The following CCDC148 variants were observed in gnomAD, a reference collection of about 807,000 sequenced individuals.
CCDC148 encodes the protein coiled-coil domain containing 148.
CCDC148 carries 89 observed loss-of-function variants against 85.7 expected under a neutral mutation model. The ratio of observed to expected loss-of-function variants is 1.04; its 90% CI spans 0.87 to 1.24. CCDC148 has a LOEUF of 1.24. CCDC148 is among the 50% of genes most tolerant of loss of function. CCDC148 has a pLI of 0.00. For synonymous variants in CCDC148, 230 were observed against 213.9 expected (o/e 1.08, Z -0.66); for missense variants, 692 against 671.7 (o/e 1.03, Z -0.33).
chr2:158,351,284 C>A (rs918950138), intron 2 of CCDC148, among the ~76,000 whole-genome samples: 1 of 152,196 alleles, frequency 6.6e-6, no homozygotes, highest in African/African-American at 2.4e-5. Flanking sequence ...GCGTGAGTGA[C>A]GCAGAAGACG....
intron 1 of CCDC148, among the ~76,000 whole-genome samples, chr2:158,406,613 CTTTTTTTT>C (rs61612452): frequency 5.1e-4 from 16 of 31,460 alleles, no homozygotes; most frequent in African/African-American, 1.5e-3. Context: ...GATTAAATTT[CTTTTTTTT>C]TTTTTTTTTT....
At chr2:158,192,028 A>T (rs1352865867) in intron 11 of CCDC148, among the ~76,000 whole-genome samples, 4 of 152,092 alleles carry the variant, frequency 2.6e-5, no homozygotes. Context: ...AAAGTCAAAG[A>T]TAGTAAAATT....
At chr2:158,422,176 C>T (rs990620872) in intron 1 of CCDC148, among the ~76,000 whole-genome samples, 1 of 152,130 alleles carries the variant, frequency 6.6e-6, no homozygotes, top group African/African-American at 2.4e-5. Flanking sequence ...GGAGCTGGTA[C>T]CATTCCTTCT....
intron 11 of CCDC148, among the ~76,000 whole-genome samples, chr2:158,194,105 C>T (rs1685551880): frequency 6.6e-6 from 1 of 151,950 alleles, no homozygotes. Flanking sequence ...AGTTATTACT[C>T]AACTAACATT....
Position 158,369,379 on chromosome 2 carries a change from G to A in CCDC148, c.26-10809C>T, listed in dbSNP as rs546891516. ...AGTGGTTTGTAGTTCTCCTTGAAGAGGTCCTTCACTTCCATGGTTAGCTGT... is the reference window on the plus strand; with the variant it reads ...AGTGGTTTGTAGTTCTCCTTGAAGAAGTCCTTCACTTCCATGGTTAGCTGT... On this transcript the variant is annotated intron_variant, in intron 1 of 13. Transcript: ENST00000283233. 2.6e-5 allele frequency among the ~76,000 whole-genome samples: 4 copies of A among 152,158 alleles called. No homozygotes were observed. In the South Asian group the frequency reaches 6.2e-4, roughly 24 times the overall value.
At position 158,220,608 on chromosome 2, in the gene CCDC148, T is replaced by C; in HGVS notation, c.1357A>G (p.Lys453Glu). 1 of 1,604,954 alleles carries C rather than the reference T, an allele frequency of 6.2e-7. No individual in the cohort carries two copies. The highest frequency in any genetic ancestry group is 1.1e-5 in the South Asian group (1 of 88,994). ...LKKLIAEQSL[K>E]DRERVKYRQE... The stretch of plus-strand genomic sequence containing the variant: ...ATTTTCTTTTACCTTTCTCTGTCTT[T>C]TAGTGACTGTTCAGCGATTAATTTC... The change falls in exon 11 of 14, where the codon AAA becomes GAA. Residue 453 changes from lysine (K) to glutamate (E), a missense_variant. Lys to Glu is a moderately conservative substitution (Grantham distance 56). Coordinates refer to ENST00000283233, the MANE Select transcript of CCDC148 (RefSeq NM_138803.4).
chr2:158,379,904 T>G (rs1310147988), intron 1 of CCDC148, among the ~76,000 whole-genome samples: 1 of 152,148 alleles, frequency 6.6e-6, no homozygotes, highest in Non-Finnish European at 1.5e-5. Context: ...TTAGCTTTAC[T>G]GTAGTGGTCT....
chr2:158,432,180 A>C (rs116189655), intron 1 of CCDC148, among the ~76,000 whole-genome samples: 1 of 152,066 alleles, frequency 6.6e-6, no homozygotes, highest in Non-Finnish European at 1.5e-5. Flanking sequence ...AGAATAAAAC[A>C]TAATCAAAAG....
At chr2:158,304,931 T>C (rs2105203487) in intron 9 of CCDC148, among the ~76,000 whole-genome samples, 1 of 152,264 alleles carries the variant, frequency 6.6e-6, no homozygotes, top group East Asian at 1.9e-4. Context: ...GATTTACAAG[T>C]TTTAATGACT....
At chr2:158,175,724 C>T (rs894376789) in intron 13 of CCDC148, among the ~76,000 whole-genome samples, 6 of 152,086 alleles carry the variant, frequency 3.9e-5, no homozygotes, top group South Asian at 2.1e-4. Context: ...CAAAGTATGC[C>T]GCACAAAGTA....
chr2:158,355,759 C>A (rs1484850277), intron 2 of CCDC148, among the ~76,000 whole-genome samples: 2 of 128,972 alleles, frequency 1.6e-5, no homozygotes, highest in Non-Finnish European at 3.1e-5. Context: ...CAAAAAAGAG[C>A]CCGCATCGCC....
intron 7 of CCDC148, among the ~76,000 whole-genome samples, chr2:158,319,377 A>G (rs1029646296): frequency 6.6e-6 from 1 of 152,220 alleles, no homozygotes; most frequent in Non-Finnish European, 1.5e-5. Flanking sequence ...AGGAACAGGG[A>G]CAAAAGATCG....
At chr2:158,180,024 T>C (rs1684814839) in intron 11 of CCDC148, among the ~76,000 whole-genome samples, 1 of 152,176 alleles carries the variant, frequency 6.6e-6, no homozygotes, top group Non-Finnish European at 1.5e-5. Flanking sequence ...GCTATACTTC[T>C]ACTGAATTAT....
chr2:158,183,432 A>G (rs975312685), intron 11 of CCDC148, among the ~76,000 whole-genome samples: 22 of 152,258 alleles, frequency 1.4e-4, no homozygotes, highest in African/African-American at 3.8e-4. Context: ...GGGCAAAATG[A>G]TAAGTACCAA....
intron 1 of CCDC148, among the ~76,000 whole-genome samples, chr2:158,361,370 T>C (rs1385407471): frequency 1.3e-5 from 2 of 151,894 alleles, no homozygotes; most frequent in East Asian, 1.9e-4. Flanking sequence ...AGACACATAA[T>C]CATGAGATTC....
intron 9 of CCDC148, among the ~76,000 whole-genome samples, chr2:158,286,207 C>T (rs911976009): frequency 6.6e-5 from 10 of 151,870 alleles, no homozygotes; most frequent in Admixed American, 2.0e-4. Flanking sequence ...AGCAAAGACA[C>T]CAAATATGTA....
intron 1 of CCDC148, among the ~76,000 whole-genome samples, chr2:158,403,705 C>T (rs889870104): frequency 2.0e-5 from 3 of 151,996 alleles, no homozygotes; most frequent in Non-Finnish European, 4.4e-5. Context: ...CACACACACA[C>T]ACAAACACAT....
At position 158,210,144 on chromosome 2, in the gene CCDC148, A is replaced by G. The variant is rs571046051; in HGVS notation, c.1370+10451T>C. 2.2e-4 allele frequency among the ~76,000 whole-genome samples: 33 copies of G among 152,308 alleles called. No homozygotes were observed. The South Asian group carries it at 6.6e-3, about 31-fold the overall frequency. On this transcript the variant is annotated intron_variant, in intron 11 of 13. Transcript: ENST00000283233. Reference sequence around the variant, plus strand: ...TTACCAAGCAAATGGAAAGCAAAAAAAGGCAGGGGTTGCGATCCTAGTCTC... The same window carrying G: ...TTACCAAGCAAATGGAAAGCAAAAAGAGGCAGGGGTTGCGATCCTAGTCTC...
rs1487251693 is a variant in CCDC148 at position 158,338,735 on chromosome 2, TCTTCC to T, written c.750_754del (p.Glu251HisfsTer9). 8.7e-6 allele frequency: 14 copies of T among 1,604,768 alleles called. No individual in the cohort carries two copies. The Admixed American group carries it at 2.4e-4, about 28-fold the overall frequency. On this transcript the variant is annotated frameshift_variant, in exon 7 of 14. Transcript: ENST00000283233. LOFTEE classifies it high-confidence loss of function. Reference sequence around the variant, plus strand: ...AGTTTTATCTTATCACCTGTATATGTCTTCCAACTGCAGATTAAAGTCTTGAAGCT... The same window carrying T: ...AGTTTTATCTTATCACCTGTATATGTAACTGCAGATTAAAGTCTTGAAGCT...
Sources: allele counts gnomAD v4.1 joint callset (sites outside exome capture counted in the v4.1 genomes callset), GRCh38; gene constraint gnomAD v4.1.1; transcripts MANE v1.5; gene names NCBI Gene and HGNC (gene_info 2026-07-23, HGNC 2026-07-21).